The following ST6GALNAC3 variants were observed in gnomAD, a reference collection of about 807,000 sequenced individuals.
The protein encoded by ST6GALNAC3 is alpha-N-acetylgalactosaminide alpha-2,6-sialyltransferase 3.
A neutral mutation model predicts 32.7 loss-of-function variants in ST6GALNAC3; 25 were observed. The observed-to-expected ratio is 0.76, with a 90% CI of 0.56 to 1.07. The LOEUF is 1.07. Among genes scored for constraint, ST6GALNAC3 ranks in the 50% least tolerant of loss-of-function variants. The pLI, the probability that ST6GALNAC3 is intolerant of heterozygous loss-of-function variation, is 0.00. For missense variants in ST6GALNAC3, 355 were observed against 382.4 expected (o/e 0.93, Z 0.60); for synonymous variants, 129 against 133.1 (o/e 0.97, Z 0.21).
intron 3 of ST6GALNAC3, among the ~76,000 whole-genome samples, chr1:76,446,586 A>G (rs1037079792): frequency 6.6e-6 from 1 of 152,078 alleles, no homozygotes; most frequent in Non-Finnish European, 1.5e-5. Flanking sequence ...GGAGTCTGAT[A>G]TGGTTTGACT....
At chr1:76,550,427 A>G (rs1385340861) in intron 3 of ST6GALNAC3, among the ~76,000 whole-genome samples, 3 of 152,064 alleles carry the variant, frequency 2.0e-5, no homozygotes, top group Non-Finnish European at 4.4e-5. Context: ...TTTTTTGGTC[A>G]CTGATTGATT....
At chr1:76,391,420 C>G (rs1489170249) in intron 2 of ST6GALNAC3, among the ~76,000 whole-genome samples, 2 of 152,148 alleles carry the variant, frequency 1.3e-5, no homozygotes, top group African/African-American at 4.8e-5. Context: ...GTTATGTGGG[C>G]AGGTAATGCT....
intron 1 of ST6GALNAC3, among the ~76,000 whole-genome samples, chr1:76,203,865 C>A (rs1654675280): frequency 6.6e-6 from 1 of 152,154 alleles, no homozygotes; most frequent in South Asian, 2.1e-4. Context: ...AAATATATGT[C>A]TTTTCTTCAT....
At chr1:76,515,386 GT>G (rs1056579886) in intron 3 of ST6GALNAC3, among the ~76,000 whole-genome samples, 1 of 151,304 alleles carries the variant, frequency 6.6e-6, no homozygotes, top group Non-Finnish European at 1.5e-5. Flanking sequence ...CTCTTTTGTT[GT>G]TTTTTTTAAT....
chr1:76,081,155 G>T (rs1183356295), intron 1 of ST6GALNAC3, among the ~76,000 whole-genome samples: 1 of 152,122 alleles, frequency 6.6e-6, no homozygotes, highest in Non-Finnish European at 1.5e-5. Context: ...TGATGGAGGT[G>T]GGGTTCACCC....
At chr1:76,176,586 A>G (rs1652870655) in intron 1 of ST6GALNAC3, among the ~76,000 whole-genome samples, 1 of 152,220 alleles carries the variant, frequency 6.6e-6, no homozygotes, top group African/African-American at 2.4e-5. Context: ...TAGCTTATAG[A>G]TACACCTGAG....
intron 1 of ST6GALNAC3, among the ~76,000 whole-genome samples, chr1:76,121,886 G>A (rs546730655): frequency 2.9e-4 from 44 of 152,038 alleles, no homozygotes; most frequent in African/African-American, 9.4e-4. Context: ...TCCACTCTCC[G>A]CCTCACTCAC....
At chr1:76,117,779 G>C (rs921561072) in intron 1 of ST6GALNAC3, among the ~76,000 whole-genome samples, 4 of 152,088 alleles carry the variant, frequency 2.6e-5, no homozygotes, top group African/African-American at 9.7e-5. Flanking sequence ...GTAGTATATG[G>C]GATAAGAGCA....
At chr1:76,408,170 T>G (rs1176737858) in intron 2 of ST6GALNAC3, among the ~76,000 whole-genome samples, 1 of 152,016 alleles carries the variant, frequency 6.6e-6, no homozygotes, top group African/African-American at 2.4e-5. Flanking sequence ...AATGTTCCAT[T>G]TGTCTGGCCC....
At chr1:76,573,176 G>A (rs931418746) in intron 3 of ST6GALNAC3, among the ~76,000 whole-genome samples, 2 of 152,060 alleles carry the variant, frequency 1.3e-5, no homozygotes, top group Non-Finnish European at 2.9e-5. Context: ...CAGGGGGCAT[G>A]CAAGGCGACT....
intron 1 of ST6GALNAC3, among the ~76,000 whole-genome samples, chr1:76,118,284 A>G (rs535352680): frequency 6.6e-6 from 1 of 152,318 alleles, no homozygotes; most frequent in South Asian, 2.1e-4. Context: ...AAGTATTAGC[A>G]TTATTATGGA....
At chr1:76,243,760 G>A (rs1657097672) in intron 1 of ST6GALNAC3, among the ~76,000 whole-genome samples, 1 of 152,166 alleles carries the variant, frequency 6.6e-6, no homozygotes, top group Non-Finnish European at 1.5e-5. Flanking sequence ...TCAGATGGTT[G>A]TAGATGTGTG....
intron 1 of ST6GALNAC3, among the ~76,000 whole-genome samples, chr1:76,234,346 A>C (rs1656531507): frequency 6.6e-6 from 1 of 152,204 alleles, no homozygotes; most frequent in South Asian, 2.1e-4. Context: ...CTTCAAGGGA[A>C]ATTTCTGCTC....
chr1:76,484,770 G>A (rs1272939139), intron 3 of ST6GALNAC3, among the ~76,000 whole-genome samples: 1 of 152,172 alleles, frequency 6.6e-6, no homozygotes, highest in Non-Finnish European at 1.5e-5. Flanking sequence ...CTGAATAGGA[G>A]TGGTGAGAGA....
At chr1:76,405,954 C>A (rs907788102) in intron 2 of ST6GALNAC3, among the ~76,000 whole-genome samples, 3 of 152,140 alleles carry the variant, frequency 2.0e-5, no homozygotes, top group Admixed American at 6.6e-5. Context: ...ACTTTCCCCC[C>A]ACCCTACAGT....
At chr1:76,134,096 T>C (rs1649784884) in intron 1 of ST6GALNAC3, among the ~76,000 whole-genome samples, 1 of 152,204 alleles carries the variant, frequency 6.6e-6, no homozygotes, top group Non-Finnish European at 1.5e-5. Flanking sequence ...AAGAAGACTC[T>C]GAGGCCAAGG....
chr1:76,417,040 T>C (rs1654691938), intron 3 of ST6GALNAC3, among the ~76,000 whole-genome samples: 1 of 152,144 alleles, frequency 6.6e-6, no homozygotes. Context: ...CACAAACATA[T>C]TGGAATACCT....
At chr1:76,267,494 C>T (rs961185293) in intron 1 of ST6GALNAC3, among the ~76,000 whole-genome samples, 82 of 152,234 alleles carry the variant, frequency 5.4e-4, no homozygotes, top group African/African-American at 1.9e-3. Flanking sequence ...CATTTTTTTA[C>T]CACGTTTTCT....
intron 1 of ST6GALNAC3, among the ~76,000 whole-genome samples, chr1:76,211,915 C>A (rs1655191207): frequency 6.6e-6 from 1 of 151,870 alleles, no homozygotes; most frequent in African/African-American, 2.4e-5. Context: ...TGCACATGTA[C>A]CCTAAAACTT....
Sources: gnomAD v4.1 joint callset for allele counts (sites outside exome capture counted in the v4.1 genomes callset) on GRCh38, gnomAD v4.1.1 for gene constraint, MANE v1.5 for transcripts, NCBI Gene and HGNC (gene_info 2026-07-23, HGNC 2026-07-21) for gene names.